The following ZNF75D variants were observed in gnomAD, a reference collection of about 807,000 sequenced individuals.
ZNF75D encodes the protein zinc finger protein 75.
In ZNF75D, 33 loss-of-function variants were observed where a neutral mutation model predicts 33.3. The ratio of observed to expected loss-of-function variants is 0.99; its 90% CI spans 0.75 to 1.32. The LOEUF (loss-of-function observed/expected upper bound fraction) is 1.32. ZNF75D is among the 40% of genes most tolerant of loss of function. The probability of loss-of-function intolerance (pLI) is 0.00; values close to 1 mark genes in which losing one functional copy is unlikely to be tolerated. For synonymous variants in ZNF75D, 113 were observed against 130.6 expected, an observed-to-expected ratio of 0.87 and a Z score of 0.92; for missense variants, 338 against 367.5, an observed-to-expected ratio of 0.92 and a Z score of 0.66.
At chrX:135,335,126 G>A (rs1277609188) in intron 1 of ZNF75D, among the ~76,000 whole-genome samples, 1 of 111,461 alleles carries the variant, frequency 9.0e-6, no homozygotes, top group Non-Finnish European at 1.9e-5. Context: ...GAATGTGTGT[G>A]AGTAAAGGAC....
chrX:135,298,661 T>C (rs1375441951), intron 1 of ZNF75D: 1 of 111,934 alleles, frequency 8.9e-6, no homozygotes, highest in Non-Finnish European at 1.9e-5. Context: ...TAAATATCAG[T>C]GTTTTTTAAA....
intron 1 of ZNF75D, among the ~76,000 whole-genome samples, chrX:135,315,740 A>G (rs1312270770): frequency 3.6e-5 from 4 of 110,148 alleles, no homozygotes; most frequent in African/African-American, 9.9e-5. Context: ...TGACATAAGC[A>G]TAGCTACTCC....
chrX:135,337,195 CCTTA>C (rs782718180), intron 1 of ZNF75D, among the ~76,000 whole-genome samples: 8 of 112,197 alleles, frequency 7.1e-5, no homozygotes, highest in African/African-American at 2.6e-4. Flanking sequence ...TTCTTCTTGT[CCTTA>C]CTTTGTATAC....
At chrX:135,302,744 G>A (rs1452849538) in intron 1 of ZNF75D, among the ~76,000 whole-genome samples, 1 of 111,526 alleles carries the variant, frequency 9.0e-6, no homozygotes, top group African/African-American at 3.3e-5. Flanking sequence ...GCCAGTGAAG[G>A]GGTGGGTTGC....
intron 1 of ZNF75D, among the ~76,000 whole-genome samples, chrX:135,268,681 C>T (rs1190027375): frequency 9.1e-6 from 1 of 110,313 alleles, no homozygotes; most frequent in Non-Finnish European, 1.9e-5. Flanking sequence ...CCAAGGCAGC[C>T]TACAGATTCA....
intron 1 of ZNF75D, among the ~76,000 whole-genome samples, chrX:135,301,986 C>T (rs1215455489): frequency 8.9e-6 from 1 of 112,213 alleles, no homozygotes; most frequent in East Asian, 2.8e-4. Flanking sequence ...CAATTCTTGA[C>T]TTCTGTACAC....
chrX:135,317,644 TGTCACCTGTGGTAGAGGCAGCTGGGTGG>T (rs1245409401), intron 1 of ZNF75D, among the ~76,000 whole-genome samples: 1 of 110,146 alleles, frequency 9.1e-6, no homozygotes, highest in Non-Finnish European at 1.9e-5. Context: ...CACAGGTAGG[TGTCACCTGTGGTAGAGGCAGCTGGGTGG>T]GTAAGAACAA....
intron 1 of ZNF75D, among the ~76,000 whole-genome samples, chrX:135,328,601 G>T (rs2084611700): frequency 8.9e-6 from 1 of 111,750 alleles, no homozygotes. Context: ...GGTGAGTAAT[G>T]TTCGTATTGC....
chrX:135,265,355 G>T (rs1352718417), intron 1 of ZNF75D, among the ~76,000 whole-genome samples: 1 of 111,504 alleles, frequency 9.0e-6, no homozygotes, highest in African/African-American at 3.3e-5. Flanking sequence ...GTACAAGAAG[G>T]CTATAGAACA....
At chrX:135,290,982 T>A (rs781866425) in intron 6 of ZNF75D, 27 bp downstream of exon 6, 13 of 1,195,425 alleles carry the variant, frequency 1.1e-5, no homozygotes, top group Admixed American at 8.9e-5. Flanking sequence ...ACTTAACTTC[T>A]ACACAATGGG....
chrX:135,326,100 G>A (rs1186803293), intron 1 of ZNF75D, among the ~76,000 whole-genome samples: 1 of 106,460 alleles, frequency 9.4e-6, no homozygotes, highest in Non-Finnish European at 1.9e-5. Context: ...ACACCAATCG[G>A]CATTCTGTAT....
rs1556419354 is a variant in ZNF75D at position 135,286,232 on chromosome X, A to G, written c.*905T>C. On this transcript the variant is annotated 3_prime_UTR_variant, in exon 7 of 7. Coordinates refer to ENST00000370766, the MANE Select transcript of ZNF75D (RefSeq NM_007131.5). ...CTTCTTGCAGAGTATTCAGGCATAT[A>G]GGGTTGTAGTTGATCAGCCATAAAG... The G allele has an allele frequency of 8.9e-6, 1 of 111,945 alleles. No individual in the cohort carries two copies. The highest frequency in any genetic ancestry group is 2.8e-4 in the East Asian group (1 of 3,562). The allele number at this position is 111,945 out of a possible 1,213,427, so 9.2% of individuals were successfully genotyped here.
intron 1 of ZNF75D, among the ~76,000 whole-genome samples, chrX:135,276,475 T>C (rs2083899588): frequency 9.0e-6 from 1 of 111,719 alleles, no homozygotes; most frequent in Non-Finnish European, 1.9e-5. Flanking sequence ...TTGGATCATA[T>C]GATTAGTTAT....
In ZNF75D at chrX:135,256,668, C is replaced by T. The variant is rs190602458; in HGVS notation, n.828-891G>A. 9.3e-3 allele frequency among the ~76,000 whole-genome samples: 1,039 copies of T among 111,483 alleles called. 3 individuals carry two copies. Among genetic ancestry groups the T allele is most frequent in the Middle Eastern group, 0.019 (4 of 216 alleles). On this transcript the variant is annotated intron_variant and non_coding_transcript_variant, in intron 1 of 3. Transcript: ENST00000494295. ...GGGAGACAGCAGCTGACATGACTAG[C>T]GGAGCCCTTGTGCCATCCCTCCTCC...
At chrX:135,258,779 A>G (rs1315415764) in intron 1 of ZNF75D, among the ~76,000 whole-genome samples, 1 of 111,920 alleles carries the variant, frequency 8.9e-6, no homozygotes, top group Non-Finnish European at 1.9e-5. Flanking sequence ...TCTTTGCTGC[A>G]CAGAAGCTCT....
intron 3 of ZNF75D, 50 bp from the exon 4 acceptor site, chrX:135,292,523 G>T: frequency 8.9e-7 from 1 of 1,118,670 alleles, no homozygotes. Context: ...TTTGGTTTTG[G>T]GGTGGTAGTG....
rs186948051 is a variant in ZNF75D at position 135,293,064 on chromosome X, G to C, written c.412-591C>G. 2.2e-3 allele frequency among the ~76,000 whole-genome samples: 239 copies of C among 111,152 alleles called. 1 individual carries two copies. Among genetic ancestry groups the C allele is most frequent in the Middle Eastern group, 9.2e-3 (2 of 218 alleles). On this transcript the variant is annotated intron_variant, in intron 3 of 6. Coordinates refer to ENST00000370766, the MANE Select transcript of ZNF75D (RefSeq NM_007131.5). ...TTTTCAAGGTAGGCTCCTGAAAAAA[G>C]AAAGTGTGCTGCCATCTTCCAAGGA...
rs200181900 is a variant in ZNF75D at position 135,287,433 on chromosome X, T to G, written c.1237A>C (p.Met413Leu). 2.5e-5 allele frequency: 30 copies of G among 1,210,479 alleles called. No individual in the cohort carries two copies. In the African/African-American group the frequency reaches 3.7e-4, roughly 15 times the overall value. The change falls in exon 7 of 7, where the codon ATG becomes CTG. Residue 413 changes from methionine to leucine, a missense_variant. By Grantham distance (15) the Met-to-Leu change is conservative. Coordinates refer to ENST00000370766, the MANE Select transcript of ZNF75D (RefSeq NM_007131.5). ...RWSSDLNKHF[M>L]THQGIKPYRC... is the part of the protein sequence containing the mutation. ...TATGGTTTTATTCCTTGATGGGTCATGAAGTGCTTATTAAGATCTGAACTC... is the reference window on the plus strand; with the variant it reads ...TATGGTTTTATTCCTTGATGGGTCAGGAAGTGCTTATTAAGATCTGAACTC...
intron 1 of ZNF75D, chrX:135,297,092 G>A (rs2084141316): frequency 8.9e-6 from 1 of 112,205 alleles, no homozygotes; most frequent in Admixed American, 9.4e-5. Context: ...AATTGCCAAT[G>A]TGAATCTAAA....
Sources: gnomAD v4.1 joint callset for allele counts (sites outside exome capture counted in the v4.1 genomes callset) on GRCh38, gnomAD v4.1.1 for gene constraint, MANE v1.5 for transcripts, NCBI Gene and HGNC (gene_info 2026-07-23, HGNC 2026-07-21) for gene names.